The following GRIN3B variants were observed in gnomAD, a reference collection of about 807,000 sequenced individuals.
GRIN3B encodes the protein glutamate ionotropic receptor NMDA type subunit 3B.
GRIN3B carries 77 observed loss-of-function variants against 66.0 expected under a neutral mutation model. That is an observed-to-expected ratio of 1.17 (90% confidence interval 0.97 to 1.41). The LOEUF is 1.41. Ranked by LOEUF, GRIN3B falls within the 40% of genes most tolerant of loss-of-function variation. GRIN3B has a pLI of 0.00. For missense variants in GRIN3B, 1,787 were observed against 1,564.5 expected (o/e 1.14, Z -2.40); for synonymous variants, 823 against 749.7 (o/e 1.10, Z -1.60).
intron 3 of GRIN3B, among the ~76,000 whole-genome samples, chr19:1,006,462 T>A (rs962084089): frequency 3.1e-4 from 47 of 152,070 alleles, no homozygotes; most frequent in African/African-American, 1.1e-3. Context: ...TATTATTTTT[T>A]TTTGAGACAG....
chr19:1,008,077 G>A lies in GRIN3B; in HGVS notation c.2315-63G>A, dbSNP rs2038777765. 17 of 1,565,080 alleles carry A rather than the reference G, an allele frequency of 1.1e-5. No individual in the cohort carries two copies. The South Asian group carries it at 2.0e-4, about 18-fold the overall frequency. ...GGTGGGAAGGGGCGAAATCCCACGT[G>A]TGCGGGCAGAGTTCCCCTGGGGCTG... On this transcript the variant is annotated intron_variant, in intron 5 of 8. Coordinates refer to ENST00000234389, the MANE Select transcript of GRIN3B (RefSeq NM_138690.3).
At chr19:1,002,853 C>G in intron 1 of GRIN3B, 1 of 358,788 alleles carries the variant, frequency 2.8e-6, no homozygotes, top group Non-Finnish European at 5.0e-6. Context: ...GAAAGATATT[C>G]CATCCGGGGA....
rs771193867 is a variant in GRIN3B at position 1,005,077 on chromosome 19, C to T, written c.1576C>T (p.His526Tyr). Reference sequence around the variant, plus strand: ...CGGGGACCTGCTGGCCGGCCGGGCCCACATGGCGGTCACCAGCTTCAGTAT... The same window carrying T: ...CGGGGACCTGCTGGCCGGCCGGGCCTACATGGCGGTCACCAGCTTCAGTAT... ...LVGDLLAGRAHMAVTSFSINS... is the reference protein window; with the variant it reads ...LVGDLLAGRAYMAVTSFSINS... Residue 526 changes from histidine (H) to tyrosine (Y), a missense_variant, in exon 3 of 9, where the codon CAC becomes TAC. By Grantham distance (83) the His-to-Tyr change is moderately conservative. Transcript: ENST00000234389. The surrounding 1 kb of genome is among the most constrained non-coding windows in gnomAD (Gnocchi z 5.2). 4.0e-5 allele frequency: 65 copies of T among 1,611,668 alleles called. No individual in the cohort carries two copies. Among genetic ancestry groups the T allele is most frequent in the Admixed American group, 1.0e-4 (6 of 59,950 alleles).
At position 1,007,261 on chromosome 19, in the gene GRIN3B, G is replaced by A. The variant is rs904580438; in HGVS notation, c.2053-367G>A. Among the ~76,000 whole-genome samples the A allele has an allele frequency of 3.3e-5, 5 of 151,850 alleles. No homozygotes were observed. Among genetic ancestry groups the A allele is most frequent in the African/African-American group, 4.8e-5 (2 of 41,322 alleles). Reference sequence around the variant, plus strand: ...GCGAGTGGGGGCAGATCAGGAGTGGGGTCATGGACATGTTAGAGTGGGGCT... The same window carrying A: ...GCGAGTGGGGGCAGATCAGGAGTGGAGTCATGGACATGTTAGAGTGGGGCT... On this transcript the variant is annotated intron_variant, in intron 3 of 8. Coordinates refer to ENST00000234389, the MANE Select transcript of GRIN3B (RefSeq NM_138690.3). The surrounding 1 kb of genome is among the most constrained non-coding windows in gnomAD (Gnocchi z 4.4).
At chr19:1,006,573 C>G (rs739882) in intron 3 of GRIN3B, among the ~76,000 whole-genome samples, 43,779 of 152,032 alleles carry the variant, frequency 0.29, 6,430 homozygotes, top group Middle Eastern at 0.33. Context: ...TCCCACAGTG[C>G]TGGGATTAGA....
rs778370164 is a variant in GRIN3B, at chr19:1,008,123, TG to T, written c.2315-15del. 1 of 1,580,470 alleles carries T rather than the reference TG, an allele frequency of 6.3e-7. No homozygotes were observed. ...GGCTGTCCCACCTGGCCCCACCGCC[TG>T]GCCCCGCGCCCCCAGGCTATGGGAT... On this transcript the variant is annotated splice_polypyrimidine_tract_variant and intron_variant, in intron 5 of 8. Coordinates refer to ENST00000234389, the MANE Select transcript of GRIN3B (RefSeq NM_138690.3).
chr19:1,002,605 G>A (rs1198954326), intron 1 of GRIN3B: 2 of 153,132 alleles, frequency 1.3e-5, no homozygotes, highest in African/African-American at 4.8e-5. Flanking sequence ...TTGGCTCTAA[G>A]CACAAGGCCA....
Position 1,008,795 on chromosome 19 carries a change from TG to T in GRIN3B, c.2631+16del. ...GCACACCAGCCAGGTGGGGAGCGGG[TG>T]GGCGGCGGGCGGCCCCACCCCCCCC... On this transcript the variant is annotated intron_variant, in intron 7 of 8. Transcript: ENST00000234389. 6.3e-7 allele frequency: 1 copy of T among 1,596,308 alleles called. No homozygotes were observed. The highest frequency in any genetic ancestry group is 8.5e-7 in the Non-Finnish European group (1 of 1,172,466).
intron 1 of GRIN3B, 121 bp from the exon 2 acceptor site, chr19:1,003,009 A>T: frequency 1.7e-6 from 1 of 592,572 alleles, no homozygotes; most frequent in South Asian, 2.5e-5. Context: ...GGCTGGGGGG[A>T]GGTGGAGGGG....
rs373330225 is a variant in GRIN3B, at chr19:1,008,170, C to T, written c.2345C>T (p.Pro782Leu). 1.6e-4 allele frequency: 252 copies of T among 1,604,886 alleles called. No individual in the cohort carries two copies. Among genetic ancestry groups the T allele is most frequent in the Non-Finnish European group, 1.9e-4 (229 of 1,176,418 alleles). Residue 782 changes from proline to leucine, a missense_variant, in exon 6 of 9, where the codon CCG (proline) becomes CTG (leucine). Pro to Leu is a moderately conservative substitution (Grantham distance 98). Transcript: ENST00000234389. ...GGGATCGGACTGCCCCAGAACTCGC[C>T]GCTCACCTCCAACCTGTCCGAGTTC... is the stretch of plus-strand genomic sequence containing the variant. ...GYGIGLPQNS[P>L]LTSNLSEFIS...
rs371910067 is a variant in GRIN3B, at chr19:1,004,867, C to T, written c.1366C>T (p.Leu456=). 2.5e-6 allele frequency: 4 copies of T among 1,610,642 alleles called. No individual in the cohort carries two copies. The highest frequency in any genetic ancestry group is 3.4e-6 in the Non-Finnish European group (4 of 1,178,522). ...LDPGTNDSAT[L]DALFAALANG... ...CCCTGGCACCAACGACTCGGCCACC[C>T]TGGACGCACTGTTCGCCGCGCTGGC... The change falls in exon 3 of 9, where the codon CTG becomes TTG. Residue 456 remains leucine (L), a synonymous_variant. Transcript: ENST00000234389.
At chr19:1,009,040 A>G in intron 8 of GRIN3B, 113 bp downstream of exon 8, 2 of 1,270,876 alleles carry the variant, frequency 1.6e-6, no homozygotes, top group Non-Finnish European at 2.2e-6. Context: ...TCCCCCGCCC[A>G]CCCCCGGACG....
In GRIN3B at chr19:1,004,644, G is replaced by A. The variant is rs770042973; in HGVS notation, c.1143G>A (p.Pro381=). The A allele has an allele frequency of 2.3e-5, 37 of 1,601,850 alleles. No individual in the cohort carries two copies. Among genetic ancestry groups the A allele is most frequent in the Admixed American group, 1.7e-4 (10 of 58,434 alleles). ...WSLRRDPRGA[P]AWATVGSWRD... ...TTCGCCGGGACCCACGGGGCGCCCC[G>A]GCCTGGGCCACGGTGGGCAGCTGGC... The change falls in exon 3 of 9, where the codon CCG becomes CCA. Residue 381 remains proline, a synonymous_variant. Coordinates refer to ENST00000234389, the MANE Select transcript of GRIN3B (RefSeq NM_138690.3).
In GRIN3B at chr19:1,009,173, C is replaced by A; in HGVS notation, c.2703C>A (p.Ser901Arg). The A allele has an allele frequency of 1.4e-6, 2 of 1,465,246 alleles. No individual in the cohort carries two copies. The highest frequency in any genetic ancestry group is 1.8e-6 in the Non-Finnish European group (2 of 1,119,742). The allele number at this position is 1,465,246 out of a possible 1,614,324, so 90.8% of individuals were successfully genotyped here. A position where few individuals can be genotyped will look rare whatever the true frequency, so the allele number is the denominator to read the frequency against. The change falls in exon 9 of 9, where the codon AGC becomes AGA. Residue 901 changes from serine (S) to arginine (R), a missense_variant and splice_region_variant. Physicochemically the swap from Ser to Arg is moderately radical, Grantham distance 110. Coordinates refer to ENST00000234389, the MANE Select transcript of GRIN3B (RefSeq NM_138690.3). ...CTGACCAGGCCGGTTCCGTCCCCAGCGGCCCCGAGGTGGAGCAGCAGCAGC... is the reference window on the plus strand; with the variant it reads ...CTGACCAGGCCGGTTCCGTCCCCAGAGGCCCCGAGGTGGAGCAGCAGCAGC... ...SKEETAEAEP[S>R]GPEVEQQQQQ...
In GRIN3B at chr19:1,007,734, A is replaced by C. The variant is rs1366445622; in HGVS notation, c.2159A>C (p.His720Pro). Residue 720 changes from histidine to proline, a missense_variant, in exon 4 of 9, where the codon CAC becomes CCC. His to Pro is a moderately conservative substitution (Grantham distance 77, BLOSUM62 -2). Transcript: ENST00000234389. This position sits in a 1 kb window ranked among gnomAD's most constrained non-coding sequence, Gnocchi z 4.4. ...GACATGCACGCACACATGCGGCGCC[A>C]CAGCGCGCCCACCACGCCCCGCGGC... ...FPDMHAHMRR[H>P]SAPTTPRGVA... 9.8e-6 allele frequency: 15 copies of C among 1,527,052 alleles called. No individual in the cohort carries two copies. The highest frequency in any genetic ancestry group is 1.3e-5 in the Non-Finnish European group (15 of 1,138,482). 94.6% of individuals were successfully genotyped at this position (1,527,052 alleles called of 1,614,324 possible). A position where few individuals can be genotyped will look rare whatever the true frequency, so the allele number is the denominator to read the frequency against.
chr19:1,007,175 C>T lies in GRIN3B; in HGVS notation c.2053-453C>T, dbSNP rs969202716. Among the ~76,000 whole-genome samples, 1 of 152,022 alleles carries T rather than the reference C, an allele frequency of 6.6e-6. No homozygotes were observed. Among genetic ancestry groups the T allele is most frequent in the Non-Finnish European group, 1.5e-5 (1 of 67,988 alleles). On this transcript the variant is annotated intron_variant, in intron 3 of 8. Transcript: ENST00000234389. The surrounding 1 kb of genome is among the most constrained non-coding windows in gnomAD (Gnocchi z 4.4). ...TGCAGGTGGCGCCCCCCAGGGTTTT[C>T]GGGAGAAACAGGGTGTCAGAGGCAG...
Position 1,000,638 on chromosome 19 carries a change from G to A in GRIN3B, c.201G>A (p.Pro67=). ...LARAALAPRL[P]HNLSLELVVA... ...GGGCCGCCCTGGCGCCGCGGCTGCCGCACAACCTGAGCTTGGAGCTGGTGG... is the reference window on the plus strand; with the variant it reads ...GGGCCGCCCTGGCGCCGCGGCTGCCACACAACCTGAGCTTGGAGCTGGTGG... The change falls in exon 1 of 9, where the codon CCG becomes CCA. Residue 67 remains proline (P), a synonymous_variant. Coordinates refer to ENST00000234389, the MANE Select transcript of GRIN3B (RefSeq NM_138690.3). The A allele has an allele frequency of 2.4e-6, 3 of 1,244,314 alleles. No individual in the cohort carries two copies. The highest frequency in any genetic ancestry group is 3.3e-4 in the Middle Eastern group (1 of 3,076). 77.1% of individuals were successfully genotyped at this position (1,244,314 alleles called of 1,614,324 possible).
At chr19:1,006,757 T>C (rs2038753219) in intron 3 of GRIN3B, among the ~76,000 whole-genome samples, 1 of 152,238 alleles carries the variant, frequency 6.6e-6, no homozygotes, top group South Asian at 2.1e-4. Flanking sequence ...GACGCCATGC[T>C]GTCAGGTGAG....
intron 2 of GRIN3B, among the ~76,000 whole-genome samples, chr19:1,004,149 G>A (rs1265919403): frequency 2.6e-5 from 4 of 152,338 alleles, no homozygotes; most frequent in African/African-American, 9.6e-5. Context: ...CCCACCTGGG[G>A]AACTATCTCA....
Sources: gnomAD v4.1 joint callset for allele counts (sites outside exome capture counted in the v4.1 genomes callset) on GRCh38, gnomAD v4.1.1 for gene constraint, Gnocchi (gnomAD v3.1) non-coding constraint, MANE v1.5 for transcripts, NCBI Gene and HGNC (gene_info 2026-07-23, HGNC 2026-07-21) for gene names.